The following CNGB1 variants were observed in gnomAD, a reference collection of about 807,000 sequenced individuals.
CNGB1 encodes the protein cyclic nucleotide gated channel subunit beta 1.
A neutral mutation model predicts 151.7 loss-of-function variants in CNGB1; 126 were observed. The ratio of observed to expected loss-of-function variants is 0.83; its 90% CI spans 0.72 to 0.96. CNGB1 has a LOEUF of 0.96. Among genes scored for constraint, CNGB1 ranks in the 40% least tolerant of loss-of-function variants. CNGB1 has a pLI of 0.00. For synonymous variants in CNGB1, 623 were observed against 635.1 expected (o/e 0.98, Z 0.29); for missense variants, 1,698 against 1,627.0 (o/e 1.04, Z -0.75).
rs369806727 is a variant in CNGB1 at position 57,930,037 on chromosome 16, A to G, written c.1535+1679T>C. ...AAACAGAATGGTGGTTCCTCAAAAT[A>G]TTATAAATAGGACTGCCATATGATC... On this transcript the variant is annotated intron_variant, in intron 17 of 32. Transcript: ENST00000251102. 3.9e-5 allele frequency among the ~76,000 whole-genome samples: 6 copies of G among 152,332 alleles called. No individual in the cohort carries two copies. In the South Asian group the frequency reaches 6.2e-4, roughly 16 times the overall value.
rs115643122 is a variant in CNGB1, at chr16:57,904,568, C to G, written c.2634+166G>C. ...GAATAGGGCCGAGTTCACCACCACC[C>G]CCTTCACCGCGCAGGGACCAGTGCT... On this transcript the variant is annotated intron_variant, in intron 26 of 32. Coordinates refer to ENST00000251102, the MANE Select transcript of CNGB1 (RefSeq NM_001297.5). 7.1e-3 allele frequency among the ~76,000 whole-genome samples: 1,082 copies of G among 152,260 alleles called. 9 individuals are homozygous for G. Among genetic ancestry groups the G allele is most frequent in the African/African-American group, 0.025 (1,033 of 41,548 alleles).
intron 14 of CNGB1, among the ~76,000 whole-genome samples, chr16:57,947,143 A>C (rs1321498277): frequency 6.6e-6 from 1 of 152,118 alleles, no homozygotes; most frequent in Non-Finnish European, 1.5e-5. Flanking sequence ...GTGCTGGTGC[A>C]TATGGGTATA....
chr16:57,896,918 T>C (rs1381380687), intron 31 of CNGB1, among the ~76,000 whole-genome samples: 1 of 152,018 alleles, frequency 6.6e-6, no homozygotes, highest in Non-Finnish European at 1.5e-5. Flanking sequence ...GAAGAAAAGG[T>C]ACAAAGGATA....
At chr16:57,890,808 G>A (rs925346706) in intron 31 of CNGB1, among the ~76,000 whole-genome samples, 1 of 152,204 alleles carries the variant, frequency 6.6e-6, no homozygotes, top group African/African-American at 2.4e-5. Context: ...TATCTCCCCT[G>A]ATGAGCAGAG....
At chr16:57,955,449 T>A in intron 12 of CNGB1, 1 of 1,196,048 alleles carries the variant, frequency 8.4e-7, no homozygotes, top group African/African-American at 1.5e-5. Context: ...AGTGGATGAG[T>A]GAATGAATGG....
intron 12 of CNGB1, chr16:57,955,272 C>T: frequency 1.3e-6 from 2 of 1,550,330 alleles, no homozygotes; most frequent in South Asian, 1.2e-5. Flanking sequence ...AAGGTCTTCT[C>T]TTCAGGGCAT....
intron 17 of CNGB1, among the ~76,000 whole-genome samples, chr16:57,923,940 C>T (rs2149368314): frequency 6.6e-6 from 1 of 152,274 alleles, no homozygotes; most frequent in South Asian, 2.1e-4. Context: ...GGCTCCCTAT[C>T]TGAAGAATGA....
intron 26 of CNGB1, among the ~76,000 whole-genome samples, chr16:57,904,491 C>G (rs981855553): frequency 6.6e-6 from 1 of 152,190 alleles, no homozygotes; most frequent in African/African-American, 2.4e-5. Flanking sequence ...AACCATTCAG[C>G]CCAGTGCACC....
intron 32 of CNGB1, among the ~76,000 whole-genome samples, chr16:57,885,022 T>C (rs1289175073): frequency 2.6e-5 from 4 of 152,210 alleles, no homozygotes; most frequent in African/African-American, 9.6e-5. Flanking sequence ...TGACCCCATG[T>C]GTGGGGACCT....
intron 32 of CNGB1, among the ~76,000 whole-genome samples, chr16:57,886,975 A>C (rs540035566): frequency 6.6e-4 from 101 of 152,274 alleles, no homozygotes; most frequent in Admixed American, 2.0e-3. Context: ...CCTGGGCTCA[A>C]GTGATGCTCC....
At chr16:57,931,548 T>C (rs1961350148) in intron 17 of CNGB1, among the ~76,000 whole-genome samples, 168 bp downstream of exon 17, 1 of 152,206 alleles carries the variant, frequency 6.6e-6, no homozygotes, top group South Asian at 2.1e-4. Context: ...AGAGACCTAA[T>C]TCAGGAGTTA....
At chr16:57,967,471 A>T in intron 1 of CNGB1, 177 bp from the exon 2 acceptor site, 1 of 615,436 alleles carries the variant, frequency 1.6e-6, no homozygotes. Flanking sequence ...AGATGGGCCG[A>T]TTGCTTGAAT....
chr16:57,885,750 T>A (rs114226590), intron 32 of CNGB1, among the ~76,000 whole-genome samples: 1 of 152,034 alleles, frequency 6.6e-6, no homozygotes, highest in Non-Finnish European at 1.5e-5. Context: ...TGTGCCATCA[T>A]GCCTGGCTAA....
intron 25 of CNGB1, among the ~76,000 whole-genome samples, chr16:57,906,647 C>G (rs1411379375): frequency 6.6e-6 from 1 of 152,232 alleles, no homozygotes; most frequent in Non-Finnish European, 1.5e-5. Flanking sequence ...CGCGAAGCAG[C>G]GTTTAGCGGG....
At chr16:57,905,221 G>C (rs1960513877) in intron 25 of CNGB1, among the ~76,000 whole-genome samples, 1 of 152,202 alleles carries the variant, frequency 6.6e-6, no homozygotes, top group Non-Finnish European at 1.5e-5. Context: ...ATTTCCTTCA[G>C]TGTTCCTTCA....
intron 14 of CNGB1, 111 bp downstream of exon 14, chr16:57,949,242 C>T: frequency 6.3e-7 from 1 of 1,585,266 alleles, no homozygotes; most frequent in East Asian, 2.2e-5. Flanking sequence ...CCTTACACAG[C>T]ACAGAACAAC....
Position 57,958,584 on chromosome 16 carries a change from A to G in CNGB1, c.762-99T>C, listed in dbSNP as rs1481681075. The G allele has an allele frequency of 2.7e-6, 3 of 1,092,886 alleles. No homozygotes were observed. The African/African-American group carries it at 4.6e-5, about 17-fold the overall frequency. The allele number at this position is 1,092,886 out of a possible 1,614,324, so 67.7% of individuals were successfully genotyped here. Reference sequence around the variant, plus strand: ...TCCCAAGGCAGAAAACAAGCCTGCCAAAAGGCAGAGCCTGCCAGGAGCCAG... The same window carrying G: ...TCCCAAGGCAGAAAACAAGCCTGCCGAAAGGCAGAGCCTGCCAGGAGCCAG... On this transcript the variant is annotated intron_variant, in intron 10 of 32. Coordinates refer to ENST00000251102, the MANE Select transcript of CNGB1 (RefSeq NM_001297.5).
chr16:57,901,849 T>C (rs1284954375), intron 27 of CNGB1, among the ~76,000 whole-genome samples: 1 of 152,182 alleles, frequency 6.6e-6, no homozygotes, highest in Admixed American at 6.6e-5. Flanking sequence ...TACTCATTCT[T>C]CAGAACCCAG....
chr16:57,903,080 T>C (rs1157867691), intron 27 of CNGB1, among the ~76,000 whole-genome samples: 1 of 150,034 alleles, frequency 6.7e-6, no homozygotes, highest in East Asian at 2.0e-4. Context: ...GCTGCACCCA[T>C]CATGGGGTGT....
Sources: allele counts gnomAD v4.1 joint callset (sites outside exome capture counted in the v4.1 genomes callset), GRCh38; gene constraint gnomAD v4.1.1; transcripts MANE v1.5; gene names NCBI Gene and HGNC (gene_info 2026-07-23, HGNC 2026-07-21).